BMPR1A: variants seen among roughly 807,000 people sequenced by gnomAD.
BMPR1A encodes bone morphogenetic protein receptor type-1A.
Under a neutral mutation model 66.0 loss-of-function variants are expected in BMPR1A, and 7 were observed. That is an observed-to-expected ratio of 0.11 (90% CI 0.06 to 0.20). The LOEUF is 0.20. Among genes scored for constraint, BMPR1A ranks in the 10% least tolerant of loss-of-function variants. The probability of loss-of-function intolerance (pLI) is 1.00; values close to 1 mark genes in which losing one functional copy is unlikely to be tolerated. For synonymous variants in BMPR1A, 200 were observed against 229.7 expected (o/e 0.87, Z 1.17); for missense variants, 408 against 669.1 (o/e 0.61, Z 4.31).
At chr10:86,826,411 A>AACACACACAC (rs34389289) in intron 1 of BMPR1A, among the ~76,000 whole-genome samples, 3,048 of 147,046 alleles carry the variant, frequency 0.021, 37 homozygotes, top group East Asian at 0.045. Flanking sequence ...CAATCAAGGA[A>AACACACACAC]ACACACACAC....
rs1046959174 is a variant in BMPR1A at position 86,792,736 on chromosome 10, T to C, written c.-268+35817T>C. Among the ~76,000 whole-genome samples, 3 of 152,328 alleles carry C rather than the reference T, an allele frequency of 2.0e-5. No homozygotes were observed. In the East Asian group the frequency reaches 5.8e-4, roughly 29 times the overall value. ...ATGCAGGGCAAATGTACTGGAAATA[T>C]GAATTCAAGGAGGAAAATATGCTGT... On this transcript the variant is annotated intron_variant, in intron 1 of 12. Coordinates refer to ENST00000372037, the MANE Select transcript of BMPR1A (RefSeq NM_004329.3).
intron 8 of BMPR1A, among the ~76,000 whole-genome samples, chr10:86,912,981 A>T (rs1368683848): frequency 1.3e-5 from 2 of 152,172 alleles, no homozygotes; most frequent in African/African-American, 4.8e-5. Flanking sequence ...GTTCATTTAT[A>T]TATGGAAATA....
At chr10:86,806,515 A>G (rs1292169575) in intron 1 of BMPR1A, among the ~76,000 whole-genome samples, 1 of 152,108 alleles carries the variant, frequency 6.6e-6, no homozygotes, top group Admixed American at 6.6e-5. Flanking sequence ...TGTCATCACT[A>G]TGGAGTGATA....
At chr10:86,820,734 CT>C (rs1842110355) in intron 1 of BMPR1A, among the ~76,000 whole-genome samples, 1 of 152,224 alleles carries the variant, frequency 6.6e-6, no homozygotes, top group Admixed American at 6.5e-5. Context: ...GCACCTGTCA[CT>C]GTTTCATATA....
intron 2 of BMPR1A, among the ~76,000 whole-genome samples, chr10:86,862,423 T>C (rs971886357): frequency 1.3e-5 from 2 of 152,146 alleles, no homozygotes; most frequent in Non-Finnish European, 2.9e-5. Context: ...GGTGGACCAC[T>C]GGAGACTTTA....
At chr10:86,817,195 T>C (rs1488885005) in intron 1 of BMPR1A, among the ~76,000 whole-genome samples, 2 of 152,218 alleles carry the variant, frequency 1.3e-5, no homozygotes, top group East Asian at 3.8e-4. Flanking sequence ...CATACTCTTT[T>C]CATCTGGTGA....
intron 2 of BMPR1A, among the ~76,000 whole-genome samples, chr10:86,853,907 T>A (rs1349695013): frequency 6.6e-6 from 1 of 152,206 alleles, no homozygotes; most frequent in Non-Finnish European, 1.5e-5. Flanking sequence ...TTGTCATTGA[T>A]AACATCTTAT....
rs200412829 is a variant in BMPR1A at position 86,846,720 on chromosome 10, A to AC, written c.-153+7741_-153+7742insC. ...TGTCCCCCGCCGCCCACACACACAC[A>AC]AAAAAAATTAACCACACACCCACTT... On this transcript the variant is annotated intron_variant, in intron 2 of 12. Transcript: ENST00000372037. 2.2e-3 allele frequency among the ~76,000 whole-genome samples: 331 copies of AC among 150,208 alleles called. 2 individuals are homozygous for AC. The highest frequency in any genetic ancestry group is 7.6e-3 in the African/African-American group (311 of 40,708).
At chr10:86,840,257 T>TG (rs1226064560) in intron 2 of BMPR1A, among the ~76,000 whole-genome samples, 8 of 152,224 alleles carry the variant, frequency 5.3e-5, no homozygotes, top group African/African-American at 1.9e-4. Context: ...TGTTAATACT[T>TG]GCAGCATTCA....
intron 2 of BMPR1A, among the ~76,000 whole-genome samples, chr10:86,847,963 C>T (rs1842509942): frequency 6.6e-6 from 1 of 151,202 alleles, no homozygotes; most frequent in African/African-American, 2.4e-5. Context: ...ATAGAGTCTC[C>T]ATCTGTCGCC....
At chr10:86,910,142 G>A (rs1488370762) in intron 7 of BMPR1A, among the ~76,000 whole-genome samples, 2 of 152,030 alleles carry the variant, frequency 1.3e-5, no homozygotes, top group African/African-American at 2.4e-5. Context: ...AGACCAGCCT[G>A]GCCAACATGG....
intron 5 of BMPR1A, among the ~76,000 whole-genome samples, chr10:86,895,085 A>C (rs1005462812): frequency 6.6e-6 from 1 of 152,254 alleles, no homozygotes; most frequent in Non-Finnish European, 1.5e-5. Context: ...AAGTAAAGGC[A>C]TCAGTGTAGG....
At chr10:86,825,289 A>G (rs952718772) in intron 1 of BMPR1A, among the ~76,000 whole-genome samples, 1 of 151,896 alleles carries the variant, frequency 6.6e-6, no homozygotes, top group African/African-American at 2.4e-5. Flanking sequence ...ATTCTAATGT[A>G]TTAGTATGGT....
chr10:86,826,429 C>CACACACACACACACAT (rs984543452), intron 1 of BMPR1A, among the ~76,000 whole-genome samples: 36 of 151,966 alleles, frequency 2.4e-4, no homozygotes, highest in Admixed American at 7.2e-4. Context: ...CACACACACA[C>CACACACACACACACAT]ACACACACAC....
chr10:86,900,713 A>G (rs1013348259), intron 7 of BMPR1A, among the ~76,000 whole-genome samples: 3 of 152,222 alleles, frequency 2.0e-5, no homozygotes, highest in African/African-American at 7.2e-5. Context: ...CCTTGTTTTT[A>G]TTATAATTCC....
intron 1 of BMPR1A, among the ~76,000 whole-genome samples, chr10:86,783,620 G>A (rs763896156): frequency 1.3e-5 from 2 of 152,026 alleles, no homozygotes; most frequent in East Asian, 3.9e-4. Flanking sequence ...ACGGGATCTC[G>A]TTCTGTCACC....
chr10:86,875,351 CG>C (rs1355707907), intron 2 of BMPR1A, among the ~76,000 whole-genome samples: 15 of 114 alleles, frequency 0.13, 1 homozygote, highest in South Asian at 0.43. Context: ...CCAGCCTGGG[CG>C]ACCGAGCAAA....
At chr10:86,771,128 TATATG>T (rs1208586516) in intron 1 of BMPR1A, among the ~76,000 whole-genome samples, 2 of 152,248 alleles carry the variant, frequency 1.3e-5, no homozygotes, top group Non-Finnish European at 2.9e-5. Context: ...AGCTGTATAT[TATATG>T]ATAACCCTTT....
At chr10:86,922,559 G>T (rs547515501) in intron 11 of BMPR1A, among the ~76,000 whole-genome samples, 3 of 152,214 alleles carry the variant, frequency 2.0e-5, no homozygotes, top group African/African-American at 7.2e-5. Context: ...ATTTATCCCA[G>T]TGAAAGGATA....
Sources: gnomAD v4.1 joint callset for allele counts (sites outside exome capture counted in the v4.1 genomes callset) on GRCh38, gnomAD v4.1.1 for gene constraint, MANE v1.5 for transcripts, NCBI Gene and HGNC (gene_info 2026-07-23, HGNC 2026-07-21) for gene names.